NCOA6: variants seen among roughly 807,000 people sequenced by gnomAD.
NCOA6 encodes the protein NRC RAP250.
A neutral mutation model predicts 171.4 loss-of-function variants in NCOA6; 49 were observed. The ratio of observed to expected loss-of-function variants is 0.29; its 90% CI spans 0.23 to 0.36. The LOEUF is 0.36. Among genes scored for constraint, NCOA6 ranks in the 10% least tolerant of loss-of-function variants. The pLI is 1.00. For synonymous variants in NCOA6, 910 were observed against 927.5 expected (o/e 0.98, Z 0.34); for missense variants, 2,248 against 2,554.5 (o/e 0.88, Z 2.59).
chr20:34,756,604 C>T (rs1411894307), intron 7 of NCOA6, among the ~76,000 whole-genome samples: 1 of 152,164 alleles, frequency 6.6e-6, no homozygotes, highest in African/African-American at 2.4e-5. Context: ...ATTGCTTTTT[C>T]TTCATACAAG....
chr20:34,768,721 G>T, intron 4 of NCOA6, 135 bp from the exon 5 acceptor site: 1 of 984,112 alleles, frequency 1.0e-6, no homozygotes, highest in East Asian at 2.6e-5. Flanking sequence ...AAAAATGGTG[G>T]GTTCAATGTA....
intron 3 of NCOA6, among the ~76,000 whole-genome samples, chr20:34,781,156 T>C (rs1422876760): frequency 3.3e-5 from 5 of 152,208 alleles, no homozygotes; most frequent in African/African-American, 1.2e-4. Context: ...CGCATAACTA[T>C]GGAGAACCTT....
intron 13 of NCOA6, among the ~76,000 whole-genome samples, chr20:34,732,045 AATGGTAAT>A (rs2075800238): frequency 6.6e-6 from 1 of 152,180 alleles, no homozygotes; most frequent in Admixed American, 6.5e-5. Context: ...ACTTTTGGAA[AATGGTAAT>A]ATTCCTCTCC....
rs566006235 is a variant in NCOA6, at chr20:34,778,321, A to G, written c.236-1873T>C. 6.6e-5 allele frequency among the ~76,000 whole-genome samples: 10 copies of G among 152,320 alleles called. No homozygotes were observed. The South Asian group carries it at 2.1e-3, about 32-fold the overall frequency. On this transcript the variant is annotated intron_variant, in intron 3 of 14. Transcript: ENST00000359003. ...AAAAGGCAAAATTCCACTTATATCAAGGAAGTAGAGTAGTCCAAAATCATA... is the reference window on the plus strand; with the variant it reads ...AAAAGGCAAAATTCCACTTATATCAGGGAAGTAGAGTAGTCCAAAATCATA...
chr20:34,772,533 A>G lies in NCOA6; in HGVS notation c.391+3760T>C, dbSNP rs151271105. ...ACATTTATCAAATCTCATACTGACA[A>G]TAACAGGGTTAGGGCAAACTGAAAA... On this transcript the variant is annotated intron_variant, in intron 4 of 14. Coordinates refer to ENST00000359003, the MANE Select transcript of NCOA6 (RefSeq NM_014071.5). 4.8e-3 allele frequency among the ~76,000 whole-genome samples: 724 copies of G among 152,190 alleles called. 2 individuals are homozygous for G. The highest frequency in any genetic ancestry group is 0.016 in the African/African-American group (673 of 41,458).
At chr20:34,809,857 A>G (rs1362616510) in intron 1 of NCOA6, among the ~76,000 whole-genome samples, 1 of 152,142 alleles carries the variant, frequency 6.6e-6, no homozygotes, top group Non-Finnish European at 1.5e-5. Flanking sequence ...AGTCACAGCC[A>G]CTCGGGAGGC....
chr20:34,772,564 G>A (rs959105646), intron 4 of NCOA6, among the ~76,000 whole-genome samples: 2 of 151,362 alleles, frequency 1.3e-5, no homozygotes, highest in Non-Finnish European at 2.9e-5. Context: ...GAAAACCTGT[G>A]AGACTTTGTA....
At position 34,749,681 on chromosome 20, in the gene NCOA6, TCCCTGCATG is replaced by T. The variant is rs2076408984; in HGVS notation, c.2505_2513del (p.Met836_Gly838del). On this transcript the variant is annotated inframe_deletion, in exon 9 of 15. Transcript: ENST00000359003. ...AGAAGTGGTTTCCCGAGGCACTGTT[TCCCTGCATG>T]GCCTGCACATGAGGGGGGACCATGT... 4 of 1,614,174 alleles carry T rather than the reference TCCCTGCATG, an allele frequency of 2.5e-6. No individual in the cohort carries two copies. The East Asian group carries it at 8.9e-5, about 36-fold the overall frequency.
Position 34,757,874 on chromosome 20 carries a change from G to T in NCOA6, c.874C>A (p.Gln292Lys). The change falls in exon 7 of 15, where the codon CAG (glutamine) becomes AAG (lysine). Residue 292 changes from glutamine (Q) to lysine (K), a missense_variant. Physicochemically the swap from Gln to Lys is moderately conservative, Grantham distance 53 (BLOSUM62 1). Around this residue, in one of 7 missense-constraint regions of NCOA6, gnomAD observed 987 missense variants for 1,104.7 expected, o/e 0.89. Coordinates refer to ENST00000359003, the MANE Select transcript of NCOA6 (RefSeq NM_014071.5). ...TGTGGCTGTTGCTGCTGATGTTGCT[G>T]TGGGGGTCTTGCCTGCAACTGTTGT... ...QQQQLQARPPQQHQQQQPQGI... is the reference protein window; with the variant it reads ...QQQQLQARPPKQHQQQQPQGI... The T allele has an allele frequency of 6.2e-7, 1 of 1,614,152 alleles. No homozygotes were observed. Among genetic ancestry groups the T allele is most frequent in the Non-Finnish European group, 8.5e-7 (1 of 1,180,032 alleles).
intron 10 of NCOA6, among the ~76,000 whole-genome samples, chr20:34,746,048 C>T (rs2076291459): frequency 6.6e-6 from 1 of 152,068 alleles, no homozygotes; most frequent in African/African-American, 2.4e-5. Flanking sequence ...TTTAAAGACT[C>T]ATTAATGAAA....
chr20:34,787,867 A>ATT (rs754273371), intron 2 of NCOA6, among the ~76,000 whole-genome samples: 6 of 142,200 alleles, frequency 4.2e-5, no homozygotes, highest in Non-Finnish European at 6.2e-5. Flanking sequence ...TTTATACCTA[A>ATT]TTTTTTTTTT....
chr20:34,809,844 T>A (rs1310331568), intron 1 of NCOA6, among the ~76,000 whole-genome samples: 1 of 152,184 alleles, frequency 6.6e-6, no homozygotes, highest in Admixed American at 6.5e-5. Flanking sequence ...GGCGCACTCC[T>A]GTAGTCACAG....
intron 1 of NCOA6, among the ~76,000 whole-genome samples, chr20:34,800,192 C>T (rs1168585512): frequency 6.6e-6 from 1 of 151,754 alleles, no homozygotes; most frequent in African/African-American, 2.4e-5. Flanking sequence ...TTATTTGCAA[C>T]CCTCATGATA....
chr20:34,806,907 C>T (rs1295546555), intron 1 of NCOA6, among the ~76,000 whole-genome samples: 1 of 152,142 alleles, frequency 6.6e-6, no homozygotes, highest in Non-Finnish European at 1.5e-5. Flanking sequence ...GCCTGCCATA[C>T]AAATTTTAGG....
At chr20:34,730,878 C>A (rs1031516203) in intron 13 of NCOA6, among the ~76,000 whole-genome samples, 1 of 151,748 alleles carries the variant, frequency 6.6e-6, no homozygotes, top group Non-Finnish European at 1.5e-5. Flanking sequence ...CTATGCCCAG[C>A]TAATTTTTTG....
intron 2 of NCOA6, among the ~76,000 whole-genome samples, chr20:34,789,572 A>C (rs2077800299): frequency 6.6e-6 from 1 of 152,148 alleles, no homozygotes; most frequent in African/African-American, 2.4e-5. Flanking sequence ...CAGGCTTTTG[A>C]GACCAGCCTG....
chr20:34,776,527 G>A (rs1228885312), intron 3 of NCOA6, 79 bp from the exon 4 acceptor site: 1 of 1,498,468 alleles, frequency 6.7e-7, no homozygotes, highest in Admixed American at 1.7e-5. Context: ...CAAACCAAAA[G>A]AGCAAAAGAA....
intron 3 of NCOA6, chr20:34,776,688 T>C: frequency 1.6e-6 from 1 of 624,326 alleles, no homozygotes; most frequent in Non-Finnish European, 2.9e-6. Flanking sequence ...TTTCTAAAAC[T>C]ATGAAAAAAC....
intron 12 of NCOA6, among the ~76,000 whole-genome samples, chr20:34,735,941 C>CT (rs76847363): frequency 0.015 from 2,251 of 146,728 alleles, 29 homozygotes; most frequent in Middle Eastern, 0.036. Flanking sequence ...ACCAGTCATA[C>CT]TTTTTTTTTT....
Sources: gnomAD v4.1 joint callset for allele counts (sites outside exome capture counted in the v4.1 genomes callset) on GRCh38, gnomAD v4.1.1 for gene constraint, gnomAD v4.1.1 regional missense constraint, MANE v1.5 for transcripts, NCBI Gene and HGNC (gene_info 2026-07-23, HGNC 2026-07-21) for gene names.